Variants in TAOK3 observed in about 807,000 individuals in gnomAD.
TAOK3 encodes TAO kinase 3, also known as serine/threonine-protein kinase TAO3.
TAOK3 carries 40 observed loss-of-function variants against 120.4 expected under a neutral mutation model. The observed-to-expected ratio is 0.33, with a 90% CI of 0.26 to 0.43. TAOK3 has a LOEUF of 0.43. Ranked by LOEUF, TAOK3 falls within the 20% of genes least tolerant of loss-of-function variation. The pLI, the probability that TAOK3 is intolerant of heterozygous loss-of-function variation, is 1.00. For missense variants in TAOK3, 821 were observed against 1,112.1 expected (o/e 0.74, Z 3.72); for synonymous variants, 355 against 387.5 (o/e 0.92, Z 0.99).
At chr12:118,308,204 T>A (rs761211517) in intron 1 of TAOK3, among the ~76,000 whole-genome samples, 5 of 152,114 alleles carry the variant, frequency 3.3e-5, no homozygotes, top group African/African-American at 4.8e-5. Context: ...ACCAATGCCA[T>A]GACAGTTTAC....
chr12:118,206,333 A>G (rs190615994), intron 11 of TAOK3, among the ~76,000 whole-genome samples: 1 of 152,308 alleles, frequency 6.6e-6, no homozygotes, highest in African/African-American at 2.4e-5. Context: ...ACATGAGATA[A>G]ACTCTTACCT....
chr12:118,262,912 A>G (rs567325707), intron 2 of TAOK3, among the ~76,000 whole-genome samples: 1 of 152,198 alleles, frequency 6.6e-6, no homozygotes, highest in Non-Finnish European at 1.5e-5. Context: ...ACAAAATAAT[A>G]ATGACATAAA....
intron 11 of TAOK3, among the ~76,000 whole-genome samples, 166 bp downstream of exon 11, chr12:118,212,748 C>G (rs560438065): frequency 1.3e-5 from 2 of 152,234 alleles, no homozygotes; most frequent in East Asian, 3.9e-4. Flanking sequence ...CATAACGTTG[C>G]AATAATCTTG....
chr12:118,271,020 A>C (rs1466557673), intron 1 of TAOK3, among the ~76,000 whole-genome samples: 2 of 152,076 alleles, frequency 1.3e-5, no homozygotes, highest in Admixed American at 1.3e-4. Flanking sequence ...CCTTTGCATC[A>C]GTTTTCAACA....
intron 1 of TAOK3, among the ~76,000 whole-genome samples, chr12:118,287,608 A>C (rs2140482910): frequency 6.6e-6 from 1 of 152,266 alleles, no homozygotes; most frequent in East Asian, 1.9e-4. Flanking sequence ...GTATTGATCA[A>C]GTGGTTTAAC....
intron 1 of TAOK3, among the ~76,000 whole-genome samples, chr12:118,277,990 G>A (rs1168509572): frequency 6.6e-6 from 1 of 152,014 alleles, no homozygotes; most frequent in Non-Finnish European, 1.5e-5. Context: ...TCCAGTGTTT[G>A]TGGTTTTGTT....
At chr12:118,246,409 T>C in intron 3 of TAOK3, 1 of 1,510,778 alleles carries the variant, frequency 6.6e-7, no homozygotes. Context: ...GTTTTGAAGA[T>C]TATGCCAGTG....
Position 118,172,497 on chromosome 12 carries a change from A to T in TAOK3, c.1859T>A (p.Met620Lys). The T allele has an allele frequency of 6.2e-7, 1 of 1,614,174 alleles. No individual in the cohort carries two copies. The highest frequency in any genetic ancestry group is 1.1e-5 in the South Asian group (1 of 91,084). The change falls in exon 17 of 21, where the codon ATG becomes AAG. Residue 620 changes from methionine to lysine, a missense_variant. Met to Lys is a moderately conservative substitution (Grantham distance 95, BLOSUM62 -1). Around this residue, in one of 2 missense-constraint regions of TAOK3, gnomAD observed 354 missense variants for 572.1 expected, o/e 0.62. Coordinates refer to ENST00000392533, the MANE Select transcript of TAOK3 (RefSeq NM_016281.4). Reference sequence around the variant, plus strand: ...CTGCTCCACCTCGTGCCGCTTGATCATTATTTTCCGCTTGAAGAAACGACA... The same window carrying T: ...CTGCTCCACCTCGTGCCGCTTGATCTTTATTTTCCGCTTGAAGAAACGACA... ...KNCRFFKRKI[M>K]IKRHEVEQQN...
chr12:118,341,906 C>T (rs1025063031), intron 1 of TAOK3, among the ~76,000 whole-genome samples: 1 of 152,118 alleles, frequency 6.6e-6, no homozygotes, highest in East Asian at 1.9e-4. Flanking sequence ...CCTTGTAGTT[C>T]CAGCTACTTG....
At chr12:118,230,562 A>T (rs1291191915) in intron 9 of TAOK3, among the ~76,000 whole-genome samples, 1 of 130,238 alleles carries the variant, frequency 7.7e-6, no homozygotes, top group Non-Finnish European at 1.5e-5. Flanking sequence ...TCTGCCTCCC[A>T]GGTTCACACC....
At chr12:118,203,627 C>T (rs1211770986) in intron 11 of TAOK3, among the ~76,000 whole-genome samples, 1 of 150,636 alleles carries the variant, frequency 6.6e-6, no homozygotes, top group Non-Finnish European at 1.5e-5. Context: ...TTGCTTGAAC[C>T]TGGGAGGCAG....
intron 1 of TAOK3, among the ~76,000 whole-genome samples, chr12:118,364,025 G>C (rs139042001): frequency 9.3e-4 from 141 of 152,208 alleles, no homozygotes; most frequent in African/African-American, 3.2e-3. Flanking sequence ...TATAATCCCA[G>C]TTACTCGGGA....
chr12:118,174,121 C>T (rs1381526441), intron 16 of TAOK3, among the ~76,000 whole-genome samples: 1 of 152,136 alleles, frequency 6.6e-6, no homozygotes, highest in Non-Finnish European at 1.5e-5. Context: ...AATATAATCA[C>T]AAAAATTTAC....
intron 1 of TAOK3, among the ~76,000 whole-genome samples, chr12:118,314,258 G>A (rs562007122): frequency 5.8e-4 from 89 of 152,204 alleles, no homozygotes; most frequent in African/African-American, 2.0e-3. Flanking sequence ...TGTTTCATAT[G>A]GAATTTAGGT....
chr12:118,304,927 G>C (rs995538653), intron 1 of TAOK3, among the ~76,000 whole-genome samples: 2 of 152,160 alleles, frequency 1.3e-5, no homozygotes, highest in Non-Finnish European at 2.9e-5. Context: ...CTGCTTAAGA[G>C]TGTAGTCTTC....
chr12:118,164,927 C>T (rs1351295139), intron 17 of TAOK3, among the ~76,000 whole-genome samples: 2 of 152,152 alleles, frequency 1.3e-5, no homozygotes, highest in Non-Finnish European at 2.9e-5. Flanking sequence ...AGTACAGTCA[C>T]TAATCATTCA....
chr12:118,307,561 A>C (rs1311769755), intron 1 of TAOK3, among the ~76,000 whole-genome samples: 1 of 152,178 alleles, frequency 6.6e-6, no homozygotes, highest in Non-Finnish European at 1.5e-5. Flanking sequence ...AATGGGAAAA[A>C]TGAGGCTGTG....
chr12:118,242,550 A>T (rs2040298447), intron 5 of TAOK3, among the ~76,000 whole-genome samples: 1 of 152,154 alleles, frequency 6.6e-6, no homozygotes, highest in African/African-American at 2.4e-5. Context: ...CTAAAACCAG[A>T]AATACAATCA....
At chr12:118,177,167 G>A in intron 16 of TAOK3, 34 bp downstream of exon 16, 1 of 1,604,534 alleles carries the variant, frequency 6.2e-7, no homozygotes, top group Non-Finnish European at 8.5e-7. Context: ...CATTCTAATG[G>A]CAACTTGGTG....
Sources: allele counts gnomAD v4.1 joint callset (sites outside exome capture counted in the v4.1 genomes callset), GRCh38; gene constraint gnomAD v4.1.1; regional missense constraint gnomAD v4.1.1; transcripts MANE v1.5; gene names NCBI Gene and HGNC (gene_info 2026-07-23, HGNC 2026-07-21).